The following LARP1 variants were observed in gnomAD, a reference collection of about 807,000 sequenced individuals.
LARP1 encodes the protein La ribonucleoprotein 1, translational regulator.
A neutral mutation model predicts 122.7 loss-of-function variants in LARP1; 36 were observed. The observed-to-expected ratio is 0.29, with a 90% CI of 0.22 to 0.39. The LOEUF (loss-of-function observed/expected upper bound fraction) is 0.39. Among genes scored for constraint, LARP1 ranks in the 10% least tolerant of loss-of-function variants. The pLI, the probability that LARP1 is intolerant of heterozygous loss-of-function variation, is 1.00. For synonymous variants in LARP1, 539 were observed against 528.7 expected, an observed-to-expected ratio of 1.02 and a Z score of -0.27; for missense variants, 1,040 against 1,403.6, an observed-to-expected ratio of 0.74 and a Z score of 4.14.
rs115390722 is a variant in LARP1, at chr5:154,776,067, T to G, written c.437-14258T>G. The stretch of plus-strand genomic sequence containing the variant: ...CTTAACTCCTGTAACCCCAGCACTT[T>G]GGGAGGTTAAGGTGAGAGTATCCCT... On this transcript the variant is annotated intron_variant, in intron 1 of 18. Coordinates refer to ENST00000518297, the MANE Select transcript of LARP1 (RefSeq NM_033551.3). Among the ~76,000 whole-genome samples, 515 of 152,274 alleles carry G rather than the reference T, an allele frequency of 3.4e-3. 2 individuals are homozygous for G. The highest frequency in any genetic ancestry group is 0.012 in the African/African-American group (486 of 41,564).
rs544664866 is a variant in LARP1 at position 154,806,046 on chromosome 5, G to A, written c.2698+14G>A. On this transcript the variant is annotated intron_variant, in intron 15 of 18. Transcript: ENST00000518297. ...GCTGCCTTAATGGTAAGAAGTGTGG[G>A]GGGCAGGAGATGAGCCTCTGGGCCC... The A allele has an allele frequency of 3.1e-6, 5 of 1,612,914 alleles. No individual in the cohort carries two copies. The highest frequency in any genetic ancestry group is 4.2e-6 in the Non-Finnish European group (5 of 1,179,438).
intron 1 of LARP1, among the ~76,000 whole-genome samples, chr5:154,705,201 A>G (rs1362416579): frequency 6.6e-6 from 1 of 152,292 alleles, no homozygotes; most frequent in East Asian, 1.9e-4. Context: ...ATATGAAAAA[A>G]TGCTCAACAT....
chr5:154,769,096 C>G (rs559292901), intron 1 of LARP1, among the ~76,000 whole-genome samples: 3 of 152,322 alleles, frequency 2.0e-5, no homozygotes, highest in Non-Finnish European at 4.4e-5. Context: ...ACCTCGGCCT[C>G]TCAAAGTGCA....
At chr5:154,745,208 G>T (rs1417902377) in intron 1 of LARP1, among the ~76,000 whole-genome samples, 1 of 152,200 alleles carries the variant, frequency 6.6e-6, no homozygotes, top group Non-Finnish European at 1.5e-5. Context: ...TTACAGATGT[G>T]AGCCACCGCG....
Position 154,756,026 on chromosome 5 carries a change from G to T in LARP1, c.269G>T (p.Ser90Ile). Residue 90 changes from serine to isoleucine, a missense_variant, in exon 1 of 19, where the codon AGC (serine) becomes ATC (isoleucine). Ser to Ile is a moderately radical substitution (Grantham distance 142). Around this residue, in one of 8 missense-constraint regions of LARP1, gnomAD observed 257 missense variants for 273.3 expected, o/e 0.94. Coordinates refer to ENST00000518297, the MANE Select transcript of LARP1 (RefSeq NM_033551.3). ...QLPGAEGPAISDGEEGGGEPG... is the reference protein window; with the variant it reads ...QLPGAEGPAIIDGEEGGGEPG... ...CCCGGCGCCGAAGGCCCGGCCATCAGCGACGGGGAGGAGGGCGGCGGCGAG... is the reference window on the plus strand; with the variant it reads ...CCCGGCGCCGAAGGCCCGGCCATCATCGACGGGGAGGAGGGCGGCGGCGAG... 9.6e-7 allele frequency: 1 copy of T among 1,043,056 alleles called. No individual in the cohort carries two copies. The allele number at this position is 1,043,056 out of a possible 1,614,324, so 64.6% of individuals were successfully genotyped here.
intron 1 of LARP1, among the ~76,000 whole-genome samples, chr5:154,771,300 C>A (rs930604361): frequency 5.3e-5 from 8 of 152,136 alleles, no homozygotes; most frequent in African/African-American, 1.9e-4. Context: ...CTCTGCTAAT[C>A]TCATGATTAT....
intron 1 of LARP1, among the ~76,000 whole-genome samples, chr5:154,717,724 C>T (rs932839928): frequency 6.6e-6 from 1 of 152,168 alleles, no homozygotes; most frequent in African/African-American, 2.4e-5. Context: ...TTCCACGTGC[C>T]TCCACTCATC....
intron 1 of LARP1, among the ~76,000 whole-genome samples, chr5:154,774,895 G>C (rs1755746018): frequency 6.6e-6 from 1 of 152,186 alleles, no homozygotes; most frequent in African/African-American, 2.4e-5. Context: ...CACAGTGCCT[G>C]CATTAGGATT....
intron 1 of LARP1, among the ~76,000 whole-genome samples, chr5:154,727,074 C>T (rs1327605599): frequency 6.6e-6 from 1 of 151,872 alleles, no homozygotes; most frequent in African/African-American, 2.4e-5. Flanking sequence ...GTATTCAGCA[C>T]ATATAATACA....
chr5:154,773,658 C>T (rs1411025657), intron 1 of LARP1, among the ~76,000 whole-genome samples: 2 of 152,202 alleles, frequency 1.3e-5, no homozygotes, highest in African/African-American at 4.8e-5. Context: ...TCTTTCCACT[C>T]ATCTGCCAGA....
At chr5:154,734,754 G>A (rs1478790471) in intron 1 of LARP1, among the ~76,000 whole-genome samples, 1 of 151,908 alleles carries the variant, frequency 6.6e-6, no homozygotes, top group Non-Finnish European at 1.5e-5. Flanking sequence ...TCACGTTGTT[G>A]GAAACAGATT....
intron 1 of LARP1, among the ~76,000 whole-genome samples, chr5:154,760,164 C>T (rs930022148): frequency 1.8e-4 from 27 of 152,096 alleles, no homozygotes; most frequent in Non-Finnish European, 4.0e-4. Flanking sequence ...TCTCAAACTC[C>T]CGACCTCAGG....
chr5:154,800,553 C>T (rs764346172), intron 10 of LARP1, among the ~76,000 whole-genome samples: 15 of 152,138 alleles, frequency 9.9e-5, no homozygotes, highest in Non-Finnish European at 1.9e-4. Flanking sequence ...TACCTCAAGG[C>T]TTCAGTTTCT....
At position 154,741,151 on chromosome 5, in the gene LARP1, C is replaced by T. The variant is rs191745064; in HGVS notation, c.205+28021C>T. 2.6e-5 allele frequency among the ~76,000 whole-genome samples: 4 copies of T among 152,220 alleles called. No homozygotes were observed. The East Asian group carries it at 5.8e-4, about 22-fold the overall frequency. ...GATTAAATCAGTGCACTCAGTGCAGCGCGGTGGAGATGCAACACGCCAGGC... is the reference window on the plus strand; with the variant it reads ...GATTAAATCAGTGCACTCAGTGCAGTGCGGTGGAGATGCAACACGCCAGGC... On this transcript the variant is annotated intron_variant, in intron 1 of 18. Transcript: ENST00000336314.
intron 1 of LARP1, among the ~76,000 whole-genome samples, chr5:154,783,824 G>A (rs1284223740): frequency 1.3e-5 from 2 of 152,142 alleles, no homozygotes; most frequent in Non-Finnish European, 2.9e-5. Context: ...CATTTCTTGT[G>A]CTTTGGTGAG....
At chr5:154,796,106 T>C (rs1307248433) in intron 8 of LARP1, among the ~76,000 whole-genome samples, 1 of 122,670 alleles carries the variant, frequency 8.2e-6, no homozygotes, top group Non-Finnish European at 1.6e-5. Context: ...TATATATTTA[T>C]ATATAGTATA....
At chr5:154,811,149 GT>G in intron 16 of LARP1, 97 bp from the exon 17 acceptor site, 1 of 840,542 alleles carries the variant, frequency 1.2e-6, no homozygotes, top group African/African-American at 1.7e-5. Flanking sequence ...GAAATAACAT[GT>G]AGTTTAAACT....
intron 1 of LARP1, among the ~76,000 whole-genome samples, chr5:154,783,451 A>G (rs1008258831): frequency 6.6e-6 from 1 of 152,162 alleles, no homozygotes; most frequent in Non-Finnish European, 1.5e-5. Context: ...CCCAGTATGT[A>G]GAATGATGCC....
intron 1 of LARP1, among the ~76,000 whole-genome samples, chr5:154,725,907 C>T (rs1185172895): frequency 6.6e-6 from 1 of 152,080 alleles, no homozygotes; most frequent in Non-Finnish European, 1.5e-5. Context: ...GTGGTACAAT[C>T]TCGGCTCACT....
Sources: allele counts gnomAD v4.1 joint callset (sites outside exome capture counted in the v4.1 genomes callset), GRCh38; gene constraint gnomAD v4.1.1; regional missense constraint gnomAD v4.1.1; transcripts MANE v1.5; gene names NCBI Gene and HGNC (gene_info 2026-07-23, HGNC 2026-07-21).